Variants in CTNNA2 observed in about 807,000 individuals in gnomAD.
CTNNA2 encodes catenin alpha-2.
A neutral mutation model predicts 101.0 loss-of-function variants in CTNNA2; 42 were observed. The ratio of observed to expected loss-of-function variants is 0.42; its 90% confidence interval spans 0.32 to 0.54. CTNNA2 has a LOEUF of 0.54. Ranked by LOEUF, CTNNA2 falls within the 20% of genes least tolerant of loss-of-function variation. The probability of loss-of-function intolerance (pLI) is 0.14; values close to 1 mark genes in which losing one functional copy is unlikely to be tolerated. For missense variants in CTNNA2, 871 were observed against 1,223.1 expected (o/e 0.71, Z 4.29); for synonymous variants, 450 against 456.4 (o/e 0.99, Z 0.18).
chr2:80,002,400 A>G (rs1693014608), intron 7 of CTNNA2, among the ~76,000 whole-genome samples: 1 of 152,338 alleles, frequency 6.6e-6, no homozygotes, highest in South Asian at 2.1e-4. Context: ...AGAGAAGTAC[A>G]TCAAAATGAG....
chr2:79,606,216 A>G lies in CTNNA2; in HGVS notation c.-5-45336A>G, dbSNP rs541247558. Among the ~76,000 whole-genome samples, 5 of 152,286 alleles carry G rather than the reference A, an allele frequency of 3.3e-5. No homozygotes were observed. In the East Asian group the frequency reaches 9.7e-4, roughly 29 times the overall value. The stretch of plus-strand genomic sequence containing the variant: ...GAAGGGCAAAGAAAATGGTAGCTAT[A>G]AGAGTAAATAGGTAAGAATTTTATC... On this transcript the variant is annotated intron_variant, in intron 1 of 18. Transcript: ENST00000402739.
intron 3 of CTNNA2, among the ~76,000 whole-genome samples, chr2:79,746,421 G>A (rs1053887269): frequency 7.2e-5 from 11 of 152,120 alleles, no homozygotes; most frequent in African/African-American, 2.7e-4. Flanking sequence ...GTCCTATGCA[G>A]CATTGTAGTT....
chr2:79,208,248 AG>A (rs1289431920), intron 2 of CTNNA2, among the ~76,000 whole-genome samples: 1 of 152,176 alleles, frequency 6.6e-6, no homozygotes, highest in Non-Finnish European at 1.5e-5. Context: ...AGTATTTGCA[AG>A]GGGTAAATAG....
At chr2:79,787,266 T>C (rs993273310) in intron 3 of CTNNA2, among the ~76,000 whole-genome samples, 1 of 152,200 alleles carries the variant, frequency 6.6e-6, no homozygotes, top group African/African-American at 2.4e-5. Context: ...TTCAACTTTC[T>C]ATTTTAGCAA....
chr2:79,835,666 G>GTTTT lies in CTNNA2; in HGVS notation c.299-22313_299-22310dup, dbSNP rs70940048. Among the ~76,000 whole-genome samples, 61 of 58,632 alleles carry GTTTT rather than the reference G, an allele frequency of 1.0e-3. 12 individuals carry two copies. Among genetic ancestry groups the GTTTT allele is most frequent in the African/African-American group, 4.2e-3 (58 of 13,694 alleles). 38.5% of individuals were successfully genotyped at this position (58,632 alleles called of 152,430 possible). On this transcript the variant is annotated intron_variant, in intron 3 of 18. Transcript: ENST00000402739. ...CTGTGCTGCAGAATGGCCTCTCTTTGTTTTTTTTTTTTTTTTTTTTTTTTT... is the reference window on the plus strand; with the variant it reads ...CTGTGCTGCAGAATGGCCTCTCTTTGTTTTTTTTTTTTTTTTTTTTTTTTTTTTT...
intron 17 of CTNNA2, among the ~76,000 whole-genome samples, chr2:80,610,091 T>C (rs542906470): frequency 2.0e-5 from 3 of 151,828 alleles, no homozygotes; most frequent in Admixed American, 1.3e-4. Context: ...GTTGTTCAAC[T>C]TGATAATTAT....
At chr2:79,855,792 A>C (rs1482762465) in intron 3 of CTNNA2, among the ~76,000 whole-genome samples, 1 of 152,218 alleles carries the variant, frequency 6.6e-6, no homozygotes, top group African/African-American at 2.4e-5. Context: ...TTTCAACAGT[A>C]GCTGACTTAC....
At chr2:79,341,473 C>T (rs1444443327) in intron 3 of CTNNA2, among the ~76,000 whole-genome samples, 1 of 152,086 alleles carries the variant, frequency 6.6e-6, no homozygotes, top group Non-Finnish European at 1.5e-5. Context: ...TTATGCAGAC[C>T]TGGGTTTAAA....
chr2:80,081,115 C>T lies in CTNNA2; in HGVS notation c.1056+171318C>T, dbSNP rs959015396. 5.2e-4 allele frequency among the ~76,000 whole-genome samples: 77 copies of T among 146,872 alleles called. 1 individual carries two copies. The highest frequency in any genetic ancestry group is 1.8e-3 in the African/African-American group (70 of 39,572). Reference sequence around the variant, plus strand: ...AAATGTTGGTTAAAAAAAAAAAAAGCGTGGTCGGGTGAGGAGCAAATGCTT... The same window carrying T: ...AAATGTTGGTTAAAAAAAAAAAAAGTGTGGTCGGGTGAGGAGCAAATGCTT... On this transcript the variant is annotated intron_variant, in intron 7 of 18. Transcript: ENST00000402739.
At chr2:80,142,156 C>T in intron 7 of CTNNA2, among the ~76,000 whole-genome samples, 1 of 152,280 alleles carries the variant, frequency 6.6e-6, no homozygotes, top group Non-Finnish European at 1.5e-5. Flanking sequence ...TGAGCCCCTG[C>T]CTCAAGATGT....
intron 9 of CTNNA2, among the ~76,000 whole-genome samples, chr2:80,538,458 C>T (rs1691241978): frequency 1.3e-5 from 2 of 152,086 alleles, no homozygotes; most frequent in Admixed American, 6.5e-5. Flanking sequence ...GCCAATTTTC[C>T]CAGCACCATT....
chr2:79,365,282 TAA>T (rs34016381), intron 3 of CTNNA2, among the ~76,000 whole-genome samples: 22 of 148,672 alleles, frequency 1.5e-4, no homozygotes, highest in East Asian at 5.9e-4. Flanking sequence ...ATCTCAAAAA[TAA>T]AAAAAAAAAG....
chr2:79,576,439 C>T (rs770451963), intron 1 of CTNNA2, among the ~76,000 whole-genome samples: 10 of 152,034 alleles, frequency 6.6e-5, no homozygotes, highest in Non-Finnish European at 1.0e-4. Flanking sequence ...ACCTGTAGCT[C>T]GGTTTTTTAA....
chr2:80,185,717 A>AGG lies in CTNNA2; in HGVS notation c.1057-207494_1057-207493insGG, dbSNP rs1320232263. ...CGGCATGTTAAATGATCCTTTCTCA[A>AGG]AACCTTTGGTGAATGGCTGCCTACC... On this transcript the variant is annotated intron_variant, in intron 7 of 18. Coordinates refer to ENST00000402739, the MANE Select transcript of CTNNA2 (RefSeq NM_001282597.3). Among the ~76,000 whole-genome samples, 12 of 152,192 alleles carry AGG rather than the reference A, an allele frequency of 7.9e-5. No individual in the cohort carries two copies. In the East Asian group the frequency reaches 9.6e-4, roughly 12 times the overall value.
At chr2:80,447,362 TA>T (rs1480004090) in intron 9 of CTNNA2, among the ~76,000 whole-genome samples, 8 of 152,288 alleles carry the variant, frequency 5.3e-5, no homozygotes, top group African/African-American at 1.9e-4. Flanking sequence ...TTTTTATATT[TA>T]TAAGGTATAT....
At chr2:79,752,664 C>T (rs1672120785) in intron 3 of CTNNA2, among the ~76,000 whole-genome samples, 1 of 152,114 alleles carries the variant, frequency 6.6e-6, no homozygotes, top group Non-Finnish European at 1.5e-5. Context: ...TTTTGTGTAT[C>T]TCTGGAGCCT....
intron 2 of CTNNA2, chr2:79,687,463 T>C: frequency 1.9e-6 from 1 of 519,602 alleles, no homozygotes; most frequent in Non-Finnish European, 3.4e-6. Context: ...TTTTGTACCT[T>C]CAGATAATTT....
At chr2:79,208,171 A>T (rs1172433105) in intron 2 of CTNNA2, among the ~76,000 whole-genome samples, 2 of 152,142 alleles carry the variant, frequency 1.3e-5, no homozygotes, top group Non-Finnish European at 2.9e-5. Context: ...AATGCCCATC[A>T]TGAATGGGCA....
intron 4 of CTNNA2, among the ~76,000 whole-genome samples, chr2:79,423,378 A>T (rs1044934150): frequency 4.6e-5 from 7 of 152,122 alleles, no homozygotes; most frequent in African/African-American, 1.7e-4. Context: ...ACCACATCAA[A>T]ACAAATGGCC....
Sources: gnomAD v4.1 joint callset for allele counts (sites outside exome capture counted in the v4.1 genomes callset) on GRCh38, gnomAD v4.1.1 for gene constraint, MANE v1.5 for transcripts, NCBI Gene and HGNC (gene_info 2026-07-23, HGNC 2026-07-21) for gene names.